DAAM1: variants seen among roughly 807,000 people sequenced by gnomAD.
The protein encoded by DAAM1 is dishevelled associated activator of morphogenesis 1.
Under a neutral mutation model 130.0 loss-of-function variants are expected in DAAM1, and 52 were observed. The ratio of observed to expected loss-of-function variants is 0.40; its 90% CI spans 0.32 to 0.50. The LOEUF (loss-of-function observed/expected upper bound fraction) is 0.50. Among genes scored for constraint, DAAM1 ranks in the 20% least tolerant of loss-of-function variants. The pLI is 0.61. For synonymous variants in DAAM1, 452 were observed against 444.5 expected (o/e 1.02, Z -0.21); for missense variants, 1,134 against 1,303.8 (o/e 0.87, Z 2.01).
At chr14:59,271,739 C>T (rs982304492) in intron 2 of DAAM1, among the ~76,000 whole-genome samples, 25 of 152,160 alleles carry the variant, frequency 1.6e-4, no homozygotes, top group Admixed American at 2.6e-4. Flanking sequence ...CATAATTTCT[C>T]TTATGACCGA....
Position 59,328,229 on chromosome 14 carries a change from T to A in DAAM1, c.1372+1238T>A, listed in dbSNP as rs555377004. On this transcript the variant is annotated intron_variant, in intron 12 of 24. Coordinates refer to ENST00000360909, the MANE Select transcript of DAAM1 (RefSeq NM_001270520.2). ...AAAATACCAATTGTGAACTAACTAC[T>A]GTTATGTTACGAGTTCCTCATATGT... is the stretch of plus-strand genomic sequence containing the variant. Among the ~76,000 whole-genome samples, 16 of 152,350 alleles carry A rather than the reference T, an allele frequency of 1.1e-4. 1 individual carries two copies. In the East Asian group the frequency reaches 2.9e-3, roughly 28 times the overall value.
intron 1 of DAAM1, among the ~76,000 whole-genome samples, chr14:59,216,746 A>G (rs1472628682): frequency 6.6e-6 from 1 of 152,122 alleles, no homozygotes; most frequent in African/African-American, 2.4e-5. Flanking sequence ...AGTCAATTTC[A>G]TATCACCATG....
At chr14:59,252,481 C>T (rs964079860) in intron 1 of DAAM1, among the ~76,000 whole-genome samples, 2 of 152,132 alleles carry the variant, frequency 1.3e-5, no homozygotes, top group African/African-American at 4.8e-5. Context: ...AATGCCTTTT[C>T]CCGTCCTGCT....
chr14:59,217,455 G>A (rs1888618710), intron 1 of DAAM1, among the ~76,000 whole-genome samples: 1 of 152,170 alleles, frequency 6.6e-6, no homozygotes, highest in Admixed American at 6.5e-5. Context: ...GTTGGTAAAA[G>A]TTTGACATTT....
chr14:59,194,051 G>GT (rs142169263), intron 1 of DAAM1, among the ~76,000 whole-genome samples: 12,833 of 152,286 alleles, frequency 0.084, 747 homozygotes, highest in Non-Finnish European at 0.13. Flanking sequence ...AGAAGTTAAA[G>GT]AACTTGCCTA....
At chr14:59,206,369 A>C (rs1437642531) in intron 1 of DAAM1, among the ~76,000 whole-genome samples, 1 of 151,892 alleles carries the variant, frequency 6.6e-6, no homozygotes, top group African/African-American at 2.4e-5. Context: ...TCCGCCTCCC[A>C]GGTTCACGCC....
At chr14:59,356,838 G>A (rs746672903) in intron 20 of DAAM1, among the ~76,000 whole-genome samples, 12 of 152,226 alleles carry the variant, frequency 7.9e-5, no homozygotes, top group Non-Finnish European at 1.8e-4. Flanking sequence ...AGAACAATCT[G>A]CAACTATTTC....
At chr14:59,316,138 A>G (rs571273714) in intron 4 of DAAM1, among the ~76,000 whole-genome samples, 1 of 152,086 alleles carries the variant, frequency 6.6e-6, no homozygotes, top group Non-Finnish European at 1.5e-5. Flanking sequence ...AGTAGAATGC[A>G]GTCTTTGTCT....
intron 3 of DAAM1, among the ~76,000 whole-genome samples, chr14:59,292,364 G>T (rs988485708): frequency 6.6e-6 from 1 of 152,128 alleles, no homozygotes; most frequent in Non-Finnish European, 1.5e-5. Flanking sequence ...ACCTCCATTG[G>T]CCCATGTGGC....
chr14:59,321,925 T>TA (rs1885024051), intron 5 of DAAM1, among the ~76,000 whole-genome samples: 1 of 152,234 alleles, frequency 6.6e-6, no homozygotes, highest in Non-Finnish European at 1.5e-5. Context: ...TCGGTGGCTT[T>TA]AATATGTACA....
chr14:59,239,632 G>A (rs1192078220), intron 1 of DAAM1, among the ~76,000 whole-genome samples: 1 of 151,570 alleles, frequency 6.6e-6, no homozygotes, highest in African/African-American at 2.4e-5. Flanking sequence ...CTTCCCCACC[G>A]CGCCCCCACC....
chr14:59,213,349 C>CAAAAAAAAAAAA (rs35496333), intron 1 of DAAM1, among the ~76,000 whole-genome samples: 1 of 69,972 alleles, frequency 1.4e-5, no homozygotes, highest in Non-Finnish European at 2.5e-5. Context: ...CACAGCTTAC[C>CAAAAAAAAAAAA]AAAAAAAAAA....
intron 1 of DAAM1, among the ~76,000 whole-genome samples, chr14:59,219,041 T>C (rs1888682202): frequency 6.6e-6 from 1 of 152,204 alleles, no homozygotes. Context: ...AAAGACCCTT[T>C]CTAGTTTATG....
intron 13 of DAAM1, 21 bp downstream of exon 13, chr14:59,330,709 C>A: frequency 6.3e-7 from 1 of 1,580,452 alleles, no homozygotes; most frequent in Non-Finnish European, 8.6e-7. Context: ...CCGCTCAGCT[C>A]ACGGGCAGCT....
chr14:59,215,722 G>A (rs952902831), intron 1 of DAAM1, among the ~76,000 whole-genome samples: 17 of 152,158 alleles, frequency 1.1e-4, no homozygotes, highest in African/African-American at 2.9e-4. Context: ...TGACAGCCGC[G>A]GGGAGTAGGC....
intron 11 of DAAM1, 132 bp downstream of exon 11, chr14:59,326,780 C>A: frequency 6.7e-7 from 1 of 1,494,756 alleles, no homozygotes; most frequent in Non-Finnish European, 9.1e-7. Flanking sequence ...TGTACACATG[C>A]ACTATAGCTA....
intron 3 of DAAM1, among the ~76,000 whole-genome samples, chr14:59,307,290 C>T: frequency 6.6e-6 from 1 of 152,168 alleles, no homozygotes; most frequent in Admixed American, 6.5e-5. Flanking sequence ...GACTGTTGCC[C>T]TCTTGGCCAG....
chr14:59,223,225 C>T (rs2099637), intron 1 of DAAM1, among the ~76,000 whole-genome samples: 3 of 152,170 alleles, frequency 2.0e-5, no homozygotes, highest in African/African-American at 4.8e-5. Context: ...TTCGCCTGAT[C>T]GTGTATATAC....
chr14:59,253,167 C>T (rs527814285), intron 1 of DAAM1, among the ~76,000 whole-genome samples: 26 of 152,270 alleles, frequency 1.7e-4, no homozygotes, highest in African/African-American at 6.0e-4. Flanking sequence ...AAAATATGTA[C>T]AACTTTATTT....
Sources: gnomAD v4.1 joint callset for allele counts (sites outside exome capture counted in the v4.1 genomes callset) on GRCh38, gnomAD v4.1.1 for gene constraint, MANE v1.5 for transcripts, NCBI Gene and HGNC (gene_info 2026-07-23, HGNC 2026-07-21) for gene names.